PRKG1: variants seen among roughly 807,000 people sequenced by gnomAD.
PRKG1 encodes the protein cGMP-dependent protein kinase 1.
A neutral mutation model predicts 88.1 loss-of-function variants in PRKG1; 35 were observed. The observed-to-expected ratio is 0.40, with a 90% CI of 0.30 to 0.53. The LOEUF (loss-of-function observed/expected upper bound fraction) is 0.53, where lower values mean the gene tolerates loss of function less well. Among genes scored for constraint, PRKG1 ranks in the 20% least tolerant of loss-of-function variants. PRKG1 has a pLI of 0.59. For missense variants in PRKG1, 540 were observed against 839.8 expected (o/e 0.64, Z 4.41); for synonymous variants, 303 against 292.5 (o/e 1.04, Z -0.37).
chr10:51,353,608 C>T (rs534192948), intron 2 of PRKG1, among the ~76,000 whole-genome samples: 18 of 152,182 alleles, frequency 1.2e-4, no homozygotes, highest in African/African-American at 4.3e-4. Flanking sequence ...ATCATCTCAC[C>T]TCAGTTAAAA....
intron 3 of PRKG1, among the ~76,000 whole-genome samples, chr10:51,484,483 C>T (rs1840469137): frequency 6.6e-6 from 1 of 152,024 alleles, no homozygotes; most frequent in Admixed American, 6.6e-5. Flanking sequence ...CAACATGTTG[C>T]CAAGGCTGGT....
At chr10:51,178,959 T>C (rs1837273761) in intron 2 of PRKG1, among the ~76,000 whole-genome samples, 1 of 152,212 alleles carries the variant, frequency 6.6e-6, no homozygotes, top group Non-Finnish European at 1.5e-5. Context: ...CTTAATGCAG[T>C]AAAATGAAAA....
chr10:51,244,118 TA>T (rs1839224969), intron 2 of PRKG1, among the ~76,000 whole-genome samples: 1 of 152,124 alleles, frequency 6.6e-6, no homozygotes, highest in Non-Finnish European at 1.5e-5. Flanking sequence ...ACACAATCAA[TA>T]AAATTTCCCA....
At chr10:51,296,422 G>A (rs566959631) in intron 2 of PRKG1, among the ~76,000 whole-genome samples, 1 of 151,894 alleles carries the variant, frequency 6.6e-6, no homozygotes. Context: ...TTGCATATTT[G>A]TAGAAATTTA....
chr10:51,957,452 C>T (rs936084741), intron 5 of PRKG1, among the ~76,000 whole-genome samples: 5 of 151,744 alleles, frequency 3.3e-5, no homozygotes, highest in Non-Finnish European at 5.9e-5. Context: ...CCACCATGCA[C>T]GGCTAATTTT....
At chr10:51,170,223 A>G (rs1846666212) in intron 2 of PRKG1, among the ~76,000 whole-genome samples, 2 of 152,122 alleles carry the variant, frequency 1.3e-5, no homozygotes, top group Non-Finnish European at 1.5e-5. Context: ...CGAAGTTTCT[A>G]TTAACATGGT....
chr10:51,535,591 ATTAG>A (rs1374518877), intron 3 of PRKG1, among the ~76,000 whole-genome samples: 1 of 152,222 alleles, frequency 6.6e-6, no homozygotes, highest in Non-Finnish European at 1.5e-5. Flanking sequence ...GCTATCAGCA[ATTAG>A]TTAATATTTC....
At chr10:51,631,485 C>A (rs1839525139) in intron 3 of PRKG1, among the ~76,000 whole-genome samples, 1 of 152,178 alleles carries the variant, frequency 6.6e-6, no homozygotes, top group Non-Finnish European at 1.5e-5. Flanking sequence ...AAGCCTGCCA[C>A]CAGATGCAGC....
At chr10:51,662,598 T>G (rs1036510176) in intron 3 of PRKG1, among the ~76,000 whole-genome samples, 13 of 152,130 alleles carry the variant, frequency 8.5e-5, no homozygotes, top group Admixed American at 2.6e-4. Flanking sequence ...AAAAGACTGT[T>G]TCCCAACTCA....
chr10:52,130,462 A>G (rs1324810907), intron 7 of PRKG1, among the ~76,000 whole-genome samples: 2 of 152,228 alleles, frequency 1.3e-5, no homozygotes, highest in Non-Finnish European at 2.9e-5. Context: ...ATCTATATGC[A>G]CAGAAGATAT....
At chr10:51,749,119 T>G (rs762286592) in intron 3 of PRKG1, among the ~76,000 whole-genome samples, 11 of 152,206 alleles carry the variant, frequency 7.2e-5, no homozygotes, top group Non-Finnish European at 1.5e-4. Flanking sequence ...AAGATAAGAT[T>G]GTGAAACATA....
intron 3 of PRKG1, among the ~76,000 whole-genome samples, chr10:51,482,420 A>G (rs1589003050): frequency 6.6e-6 from 1 of 152,284 alleles, no homozygotes; most frequent in East Asian, 1.9e-4. Context: ...ACTGTGGAGG[A>G]GGAGAATCAA....
chr10:52,167,999 T>G (rs1313329495), intron 9 of PRKG1, among the ~76,000 whole-genome samples: 1 of 152,206 alleles, frequency 6.6e-6, no homozygotes, highest in Non-Finnish European at 1.5e-5. Context: ...CATAAAGATT[T>G]AAAGACTCCT....
intron 9 of PRKG1, among the ~76,000 whole-genome samples, chr10:52,193,966 T>C (rs986047206): frequency 6.6e-6 from 1 of 152,194 alleles, no homozygotes; most frequent in Admixed American, 6.5e-5. Context: ...TTTTTCTATT[T>C]TAAATGTCTA....
At chr10:51,541,253 A>G (rs1365092694) in intron 3 of PRKG1, among the ~76,000 whole-genome samples, 2 of 152,154 alleles carry the variant, frequency 1.3e-5, no homozygotes, top group Non-Finnish European at 1.5e-5. Context: ...CGCTCCTATA[A>G]GAATCCCATG....
chr10:51,084,053 TC>T (rs1055342194), intron 1 of PRKG1, among the ~76,000 whole-genome samples: 9 of 152,212 alleles, frequency 5.9e-5, no homozygotes, highest in Admixed American at 5.2e-4. Context: ...TTTTCCCCAC[TC>T]CTAAAATATG....
intron 7 of PRKG1, among the ~76,000 whole-genome samples, chr10:52,076,985 C>T (rs998325301): frequency 6.6e-6 from 1 of 150,616 alleles, no homozygotes; most frequent in Non-Finnish European, 1.5e-5. Flanking sequence ...CTTTGGAGAA[C>T]AGTTTGGCAG....
At chr10:51,147,922 T>C (rs574960746) in intron 1 of PRKG1, among the ~76,000 whole-genome samples, 7 of 152,242 alleles carry the variant, frequency 4.6e-5, no homozygotes, top group African/African-American at 1.2e-4. Flanking sequence ...AGGATTAAAT[T>C]TTATCTTTAT....
chr10:51,719,887 G>T lies in PRKG1; in HGVS notation c.593-84698G>T, dbSNP rs184128014. Among the ~76,000 whole-genome samples the T allele has an allele frequency of 2.0e-5, 3 of 152,334 alleles. No homozygotes were observed. In the East Asian group the frequency reaches 5.8e-4, roughly 29 times the overall value. ...TGATTAAACTGAGTTTGAGGTTCAA[G>T]AGTGAAAGCAGAGAGCCCAGTAGGA... On this transcript the variant is annotated intron_variant, in intron 3 of 17. Transcript: ENST00000373980.
Sources: gnomAD v4.1 joint callset for allele counts (sites outside exome capture counted in the v4.1 genomes callset) on GRCh38, gnomAD v4.1.1 for gene constraint, MANE v1.5 for transcripts, NCBI Gene and HGNC (gene_info 2026-07-23, HGNC 2026-07-21) for gene names.